The following GPA33 variants were observed in gnomAD, a reference collection of about 807,000 sequenced individuals.
The protein encoded by GPA33 is glycoprotein A33.
A neutral mutation model predicts 35.6 loss-of-function variants in GPA33; 27 were observed. The observed-to-expected ratio is 0.76, with a 90% CI of 0.56 to 1.04. The LOEUF (loss-of-function observed/expected upper bound fraction) is 1.04, where lower values mean the gene tolerates loss of function less well. Ranked by LOEUF, GPA33 falls within the 50% of genes least tolerant of loss-of-function variation. The pLI is 0.00. For missense variants in GPA33, 428 were observed against 411.9 expected (o/e 1.04, Z -0.34); for synonymous variants, 176 against 164.0 (o/e 1.07, Z -0.56).
At chr1:167,057,415 C>A (rs1666331026) in intron 4 of GPA33, among the ~76,000 whole-genome samples, 1 of 152,156 alleles carries the variant, frequency 6.6e-6, no homozygotes, top group African/African-American at 2.4e-5. Context: ...CTTGCCTGAT[C>A]CCTGCTGCCA....
Position 167,090,240 on chromosome 1 carries a change from C to T in GPA33, c.43+5G>A. The T allele has an allele frequency of 1.2e-6, 2 of 1,610,730 alleles. No individual in the cohort carries two copies. Among genetic ancestry groups the T allele is most frequent in the Non-Finnish European group, 8.5e-7 (1 of 1,176,884 alleles). On this transcript the variant is annotated splice_donor_5th_base_variant and intron_variant, in intron 1 of 6. Transcript: ENST00000367868. ...GGGCACTGGAGAGAAAAGGGGCCTA[C>T]TCACCTGCACAGAGTGTCCACAACA...
intron 4 of GPA33, among the ~76,000 whole-genome samples, chr1:167,056,732 A>G (rs1318254204): frequency 0.069 from 403 of 5,842 alleles, no homozygotes; most frequent in African/African-American, 0.077. Flanking sequence ...TGTGTGATGT[A>G]TGTGGTGTGT....
At position 167,073,533 on chromosome 1, in the gene GPA33, A is replaced by G; in HGVS notation, c.50T>C (p.Val17Ala). The stretch of plus-strand genomic sequence containing the variant: ...TTCCACAGAGATGGCATCGACGGTC[A>G]CCCTGACTGGAAAGAAAGTAGGCAG... The part of the protein sequence containing the change: ...PVLWTLCAVR[V>A]TVDAISVETP... The change falls in exon 2 of 7, where the codon GTG becomes GCG. Residue 17 changes from valine (V) to alanine (A), a missense_variant. Coordinates refer to ENST00000367868, the MANE Select transcript of GPA33 (RefSeq NM_005814.3). 1 of 1,613,602 alleles carries G rather than the reference A, an allele frequency of 6.2e-7. No individual in the cohort carries two copies. Among genetic ancestry groups the G allele is most frequent in the Non-Finnish European group, 8.5e-7 (1 of 1,179,690 alleles).
intron 4 of GPA33, among the ~76,000 whole-genome samples, chr1:167,061,744 AG>A (rs1666453394): frequency 6.6e-6 from 1 of 151,970 alleles, no homozygotes; most frequent in South Asian, 2.1e-4. Context: ...CTGGGACTAC[AG>A]GCGTCCGCCA....
chr1:167,083,494 C>T (rs552253092), intron 1 of GPA33, among the ~76,000 whole-genome samples: 1 of 152,340 alleles, frequency 6.6e-6, no homozygotes, highest in South Asian at 2.1e-4. Context: ...GTCCTGGGCA[C>T]TATGCCAGAC....
chr1:167,063,573 C>A lies in GPA33; in HGVS notation c.571+9G>T. On this transcript the variant is annotated intron_variant, in intron 4 of 6. Coordinates refer to ENST00000367868, the MANE Select transcript of GPA33 (RefSeq NM_005814.3). The stretch of plus-strand genomic sequence containing the variant: ...CGTGGGGAGCCCGCCTTCCCTACTG[C>A]CCCCTTACCTGGCTGGGCCAGGGGC... 1 of 1,596,646 alleles carries A rather than the reference C, an allele frequency of 6.3e-7. No individual in the cohort carries two copies.
chr1:167,057,301 G>C (rs559812613), intron 4 of GPA33, among the ~76,000 whole-genome samples: 7 of 152,172 alleles, frequency 4.6e-5, no homozygotes, highest in South Asian at 2.1e-4. Flanking sequence ...AGAGCTTTGT[G>C]CTTGGGCATA....
At chr1:167,057,047 G>A (rs555245016) in intron 4 of GPA33, among the ~76,000 whole-genome samples, 111 of 151,914 alleles carry the variant, frequency 7.3e-4, no homozygotes, top group African/African-American at 2.5e-3. Flanking sequence ...TGTAGTGTGT[G>A]TGGTATGGGG....
chr1:167,061,658 G>A (rs942114422), intron 4 of GPA33, among the ~76,000 whole-genome samples: 10 of 148,036 alleles, frequency 6.8e-5, no homozygotes, highest in Admixed American at 2.0e-4. Flanking sequence ...GCTGGAGTGC[G>A]GTGGCGCGAT....
At chr1:167,070,547 C>T (rs371084491) in intron 2 of GPA33, among the ~76,000 whole-genome samples, 5 of 152,120 alleles carry the variant, frequency 3.3e-5, no homozygotes, top group Non-Finnish European at 5.9e-5. Context: ...GCCTGAAGTC[C>T]GGAGATTCTA....
chr1:167,080,018 A>G (rs1358479750), intron 1 of GPA33, among the ~76,000 whole-genome samples: 1 of 152,122 alleles, frequency 6.6e-6, no homozygotes, highest in Non-Finnish European at 1.5e-5. Flanking sequence ...TCATTTTTAG[A>G]GTCTTCCAGC....
intron 1 of GPA33, among the ~76,000 whole-genome samples, chr1:167,081,341 C>G (rs940962143): frequency 6.6e-6 from 1 of 152,134 alleles, no homozygotes; most frequent in African/African-American, 2.4e-5. Flanking sequence ...ACCCAGCCAG[C>G]CCCAGGACCA....
In GPA33 at chr1:167,054,176, C is replaced by T; in HGVS notation, c.*158G>A. 1 of 945,924 alleles carries T rather than the reference C, an allele frequency of 1.1e-6. No individual in the cohort carries two copies. Among genetic ancestry groups the T allele is most frequent in the Non-Finnish European group, 1.6e-6 (1 of 633,152 alleles). 58.6% of individuals were successfully genotyped at this position (945,924 alleles called of 1,614,324 possible). A position where few individuals can be genotyped will look rare whatever the true frequency, so the allele number is the denominator to read the frequency against. ...TCAGCACAGGGACCCCCTTACCAGG[C>T]CAGCCATGTTCCCCACAGCTGACAC... On this transcript the variant is annotated 3_prime_UTR_variant, in exon 7 of 7. Coordinates refer to ENST00000367868, the MANE Select transcript of GPA33 (RefSeq NM_005814.3).
At chr1:167,087,357 T>C (rs7523444) in intron 1 of GPA33, among the ~76,000 whole-genome samples, 59,413 of 152,054 alleles carry the variant, frequency 0.39, 12,227 homozygotes, top group East Asian at 0.73. Flanking sequence ...GATTTTTACA[T>C]GTGCAAACTC....
chr1:167,082,091 A>G (rs1211628827), intron 1 of GPA33, among the ~76,000 whole-genome samples: 1 of 152,216 alleles, frequency 6.6e-6, no homozygotes, highest in African/African-American at 2.4e-5. Flanking sequence ...CGAGGGATTC[A>G]ATTCACGGTG....
At chr1:167,074,575 C>A (rs1044068289) in intron 1 of GPA33, among the ~76,000 whole-genome samples, 1 of 152,112 alleles carries the variant, frequency 6.6e-6, no homozygotes, top group African/African-American at 2.4e-5. Flanking sequence ...ATTTTAAGTA[C>A]TGAGTTTTGG....
chr1:167,084,028 C>A (rs1476788647), intron 1 of GPA33, among the ~76,000 whole-genome samples: 1 of 152,182 alleles, frequency 6.6e-6, no homozygotes, highest in Admixed American at 6.5e-5. Flanking sequence ...CTCTTACAAG[C>A]AACTCAAATC....
At chr1:167,076,592 T>C (rs530233318) in intron 1 of GPA33, among the ~76,000 whole-genome samples, 38 of 152,270 alleles carry the variant, frequency 2.5e-4, no homozygotes, top group African/African-American at 9.1e-4. Context: ...CAGTATTTCA[T>C]AAGGTGAAAG....
At chr1:167,062,621 T>A (rs1666482071) in intron 4 of GPA33, among the ~76,000 whole-genome samples, 1 of 148,216 alleles carries the variant, frequency 6.7e-6, no homozygotes, top group Non-Finnish European at 1.5e-5. Context: ...GTGGAAAGGA[T>A]GGTAGGATTT....
Sources: gnomAD v4.1 joint callset for allele counts (sites outside exome capture counted in the v4.1 genomes callset) on GRCh38, gnomAD v4.1.1 for gene constraint, MANE v1.5 for transcripts, NCBI Gene and HGNC (gene_info 2026-07-23, HGNC 2026-07-21) for gene names.